Variants in LDLRAD4 observed in about 807,000 individuals in gnomAD.
LDLRAD4 encodes low-density lipoprotein receptor class A domain-containing protein 4.
A neutral mutation model predicts 17.0 loss-of-function variants in LDLRAD4; 5 were observed. The observed-to-expected ratio is 0.29, with a 90% CI of 0.15 to 0.62. The LOEUF is 0.62. Among genes scored for constraint, LDLRAD4 ranks in the 20% least tolerant of loss-of-function variants. The pLI, the probability that LDLRAD4 is intolerant of heterozygous loss-of-function variation, is 0.84. For synonymous variants in LDLRAD4, 168 were observed against 171.8 expected (o/e 0.98, Z 0.17); for missense variants, 340 against 424.7 (o/e 0.80, Z 1.75).
intron 1 of LDLRAD4, 99 bp downstream of exon 1, chr18:13,219,087 T>TA (rs1555620062): frequency 6.9e-6 from 1 of 144,944 alleles, no homozygotes; most frequent in African/African-American, 2.5e-5. Context: ...TTTTTTTTTT[T>TA]AATTGGAAAA....
At chr18:13,274,558 A>G (rs2044747068), upstream of LDLRAD4, among the ~76,000 whole-genome samples, 3 of 152,212 alleles carry the variant, frequency 2.0e-5, no homozygotes, top group Admixed American at 2.0e-4. Flanking sequence ...CATGAGGGAG[A>G]AAGCGTGGAG....
chr18:13,474,764 A>T (rs2092894942), intron 3 of LDLRAD4, among the ~76,000 whole-genome samples: 1 of 152,152 alleles, frequency 6.6e-6, no homozygotes, highest in African/African-American at 2.4e-5. Context: ...ACAACAAACA[A>T]CAAAAGGTCT....
chr18:13,612,593 T>TA, intron 3 of LDLRAD4: 1 of 1,538,160 alleles, frequency 6.5e-7, no homozygotes, highest in East Asian at 2.4e-5. Context: ...CCATGCCAGC[T>TA]ATAACTGCAG....
intron 3 of LDLRAD4, among the ~76,000 whole-genome samples, chr18:13,463,136 C>T (rs901117898): frequency 3.3e-5 from 5 of 152,184 alleles, no homozygotes; most frequent in African/African-American, 4.8e-5. Flanking sequence ...TAGAATCACA[C>T]GTGATGTGTG....
At chr18:13,616,528 C>T (rs1449814102) in intron 3 of LDLRAD4, among the ~76,000 whole-genome samples, 1 of 152,184 alleles carries the variant, frequency 6.6e-6, no homozygotes, top group Non-Finnish European at 1.5e-5. Context: ...GGGTTTTGCC[C>T]AGAGTCCCCA....
At chr18:13,546,011 G>T (rs1448224278) in intron 3 of LDLRAD4, among the ~76,000 whole-genome samples, 2 of 152,166 alleles carry the variant, frequency 1.3e-5, no homozygotes, top group African/African-American at 4.8e-5. Flanking sequence ...GGGATCACAG[G>T]CCCATTACCT....
At chr18:13,243,985 A>G (rs1308342773) in intron 1 of LDLRAD4, among the ~76,000 whole-genome samples, 1 of 43,380 alleles carries the variant, frequency 2.3e-5, no homozygotes, top group African/African-American at 9.2e-5. Context: ...CCACCCACCC[A>G]CCCACCCACT....
At chr18:13,401,439 AG>A (rs1234966772) in intron 2 of LDLRAD4, among the ~76,000 whole-genome samples, 1 of 150,166 alleles carries the variant, frequency 6.7e-6, no homozygotes, top group Non-Finnish European at 1.5e-5. Flanking sequence ...CTTTATATTT[AG>A]GGTTACTGCA....
chr18:13,273,864 C>T (rs527291269), upstream of LDLRAD4, among the ~76,000 whole-genome samples: 10 of 152,294 alleles, frequency 6.6e-5, no homozygotes, highest in South Asian at 1.5e-3. Flanking sequence ...GGAGTTCCAC[C>T]CACTCTGCCT....
At chr18:13,594,430 C>T (rs190556483) in intron 3 of LDLRAD4, among the ~76,000 whole-genome samples, 1 of 152,080 alleles carries the variant, frequency 6.6e-6, no homozygotes, top group East Asian at 1.9e-4. Flanking sequence ...GTAACGCTTG[C>T]CTGAAATCCC....
At chr18:13,581,725 G>A (rs1249092388) in intron 3 of LDLRAD4, among the ~76,000 whole-genome samples, 1 of 151,924 alleles carries the variant, frequency 6.6e-6, no homozygotes, top group Non-Finnish European at 1.5e-5. Flanking sequence ...TGTCTTGGTG[G>A]GCATGTATAC....
intron 2 of LDLRAD4, among the ~76,000 whole-genome samples, chr18:13,399,591 G>C (rs2145480859): frequency 6.6e-6 from 1 of 152,256 alleles, no homozygotes; most frequent in South Asian, 2.1e-4. Context: ...GACCAAACTT[G>C]GCCCCCAAAT....
chr18:13,590,940 G>A (rs79024927), intron 3 of LDLRAD4, among the ~76,000 whole-genome samples: 3,046 of 152,302 alleles, frequency 0.02, 86 homozygotes, highest in African/African-American at 0.068. Context: ...TGGTGCTTGT[G>A]TTCTCCCTGG....
intron 3 of LDLRAD4, among the ~76,000 whole-genome samples, chr18:13,443,707 C>T (rs993900758): frequency 6.0e-5 from 9 of 150,908 alleles, no homozygotes; most frequent in Middle Eastern, 3.4e-3. Context: ...TCGTCGTCGT[C>T]GTCTCCTCCT....
At chr18:13,400,707 A>G (rs1433719154) in intron 2 of LDLRAD4, among the ~76,000 whole-genome samples, 1 of 152,216 alleles carries the variant, frequency 6.6e-6, no homozygotes, top group Non-Finnish European at 1.5e-5. Context: ...TCTCTCGCAC[A>G]TTCTTTCAAA....
intron 1 of LDLRAD4, among the ~76,000 whole-genome samples, chr18:13,304,181 C>T (rs937013028): frequency 6.6e-6 from 1 of 152,210 alleles, no homozygotes; most frequent in African/African-American, 2.4e-5. Context: ...ACTCAGGGCT[C>T]ATCTTGGTGG....
chr18:13,381,837 A>G (rs1411395573), intron 1 of LDLRAD4, among the ~76,000 whole-genome samples: 1 of 152,230 alleles, frequency 6.6e-6, no homozygotes, highest in Non-Finnish European at 1.5e-5. Flanking sequence ...GAGATGATGC[A>G]TAGGTGAGCT....
intron 3 of LDLRAD4, chr18:13,520,681 C>G (rs115599651): frequency 6.6e-6 from 1 of 152,040 alleles, no homozygotes; most frequent in African/African-American, 2.4e-5. Context: ...AGGGAGACCT[C>G]GTCTCTACTA....
At chr18:13,536,578 C>A (rs1038580054) in intron 3 of LDLRAD4, among the ~76,000 whole-genome samples, 5 of 150,410 alleles carry the variant, frequency 3.3e-5, no homozygotes, top group African/African-American at 1.2e-4. Flanking sequence ...TGTTTTACAT[C>A]TTTTTTTCCC....
Sources: allele counts gnomAD v4.1 joint callset (sites outside exome capture counted in the v4.1 genomes callset), GRCh38; gene constraint gnomAD v4.1.1; transcripts MANE v1.5; gene names NCBI Gene and HGNC (gene_info 2026-07-23, HGNC 2026-07-21).